SPRY3: variants seen among roughly 807,000 people sequenced by gnomAD.
SPRY3 encodes the protein sprouty RTK signaling antagonist 3, also known as protein sprouty homolog 3.
Under a neutral mutation model 20.2 loss-of-function variants are expected in SPRY3, and 15 were observed. The ratio of observed to expected loss-of-function variants is 0.74; its 90% CI spans 0.50 to 1.14. The LOEUF is 1.14. SPRY3 is among the 50% of genes most tolerant of loss of function. The pLI, the probability that SPRY3 is intolerant of heterozygous loss-of-function variation, is 0.00. For missense variants in SPRY3, 364 were observed against 363.9 expected, an observed-to-expected ratio of 1.00 and a Z score of 0.00; for synonymous variants, 143 against 136.5, an observed-to-expected ratio of 1.05 and a Z score of -0.33.
intron 2 of SPRY3, among the ~76,000 whole-genome samples, chrX:155,761,385 T>C (rs1020374391): frequency 6.6e-6 from 1 of 152,198 alleles, no homozygotes; most frequent in Non-Finnish European, 1.5e-5. Context: ...ACAGAATTTG[T>C]TCTTTTTCAT....
chrX:155,714,568 G>T (rs765973602), intron 2 of SPRY3, among the ~76,000 whole-genome samples: 1 of 152,228 alleles, frequency 6.6e-6, no homozygotes, highest in South Asian at 2.1e-4. Flanking sequence ...GTGTGGTGAT[G>T]CAAGCATCCC....
intron 1 of SPRY3, among the ~76,000 whole-genome samples, chrX:155,618,393 G>A (rs1449064407): frequency 2.7e-5 from 3 of 111,490 alleles, no homozygotes; most frequent in Non-Finnish European, 5.7e-5. Context: ...TTCATGGTAT[G>A]TATGTATCAG....
intron 2 of SPRY3, among the ~76,000 whole-genome samples, chrX:155,741,868 T>C (rs1223544046): frequency 6.6e-6 from 1 of 151,998 alleles, no homozygotes; most frequent in African/African-American, 2.4e-5. Context: ...AAAGGAAAAA[T>C]CTTTGCCAGC....
intron 2 of SPRY3, among the ~76,000 whole-genome samples, chrX:155,706,762 G>A (rs1297370535): frequency 1.3e-5 from 2 of 150,830 alleles, no homozygotes; most frequent in East Asian, 3.9e-4. Context: ...AAATCCCTGG[G>A]AGGCGCGAAC....
intron 1 of SPRY3, among the ~76,000 whole-genome samples, chrX:155,636,078 G>T (rs1358664632): frequency 2.7e-5 from 3 of 112,136 alleles, no homozygotes; most frequent in Non-Finnish European, 5.6e-5. Context: ...TGGCTTACAG[G>T]TTTTACTTAC....
chrX:155,631,405 A>G (rs1170393451), intron 1 of SPRY3, among the ~76,000 whole-genome samples: 1 of 112,313 alleles, frequency 8.9e-6, no homozygotes, highest in Non-Finnish European at 1.9e-5. Flanking sequence ...TGTGATGAAT[A>G]TATGAGTGCA....
chrX:155,760,641 G>A (rs1399682252), intron 2 of SPRY3, among the ~76,000 whole-genome samples: 1 of 152,150 alleles, frequency 6.6e-6, no homozygotes. Flanking sequence ...GGATGGTTTG[G>A]AGATGAAACT....
At chrX:155,656,560 A>G (rs2067992825) in intron 1 of SPRY3, among the ~76,000 whole-genome samples, 1 of 110,718 alleles carries the variant, frequency 9.0e-6, no homozygotes, top group Non-Finnish European at 1.9e-5. Flanking sequence ...AGCTCAGAGG[A>G]GTTTGTTATT....
At chrX:155,672,095 T>G (rs2068042558) in intron 2 of SPRY3, among the ~76,000 whole-genome samples, 1 of 111,842 alleles carries the variant, frequency 8.9e-6, no homozygotes. Context: ...CCTCCAGCTT[T>G]GTTCTGTTGG....
At chrX:155,736,053 A>T (rs2091167090) in intron 2 of SPRY3, among the ~76,000 whole-genome samples, 1 of 151,942 alleles carries the variant, frequency 6.6e-6, no homozygotes, top group South Asian at 2.1e-4. Context: ...CTTTCAAATA[A>T]CACCATACTG....
intron 2 of SPRY3, among the ~76,000 whole-genome samples, chrX:155,664,245 G>A (rs918398437): frequency 6.3e-5 from 7 of 110,604 alleles, no homozygotes; most frequent in African/African-American, 2.3e-4. Flanking sequence ...GTTCCTGAGG[G>A]AAAGATTTGT....
Position 155,626,444 on chromosome X carries a change from A to G in SPRY3, c.-441+13797A>G, listed in dbSNP as rs782549106. ...TGTAAGAGCATTTTACATATTCTAG[A>G]TACAAGATCTTGTCAGATATATGAT... On this transcript the variant is annotated intron_variant, in intron 1 of 3. Transcript: ENST00000675360. Among the ~76,000 whole-genome samples the G allele has an allele frequency of 1.3e-4, 15 of 111,628 alleles. No individual in the cohort carries two copies. In the East Asian group the frequency reaches 4.2e-3, roughly 31 times the overall value.
At chrX:155,752,587 A>T (rs1281156264) in intron 2 of SPRY3, among the ~76,000 whole-genome samples, 1 of 151,784 alleles carries the variant, frequency 6.6e-6, no homozygotes, top group Non-Finnish European at 1.5e-5. Flanking sequence ...AAGAAAAAAT[A>T]GAAAAAATGG....
chrX:155,764,225 A>G (rs974012283), intron 2 of SPRY3, among the ~76,000 whole-genome samples: 7 of 152,228 alleles, frequency 4.6e-5, no homozygotes, highest in Admixed American at 6.5e-5. Context: ...GCTGCCACTT[A>G]CTAGCTGTAT....
At chrX:155,768,321 G>A (rs1007363276) in intron 3 of SPRY3, among the ~76,000 whole-genome samples, 185 bp downstream of exon 2, 43 of 152,040 alleles carry the variant, frequency 2.8e-4, no homozygotes, top group Non-Finnish European at 5.0e-4. Context: ...TAAATAAATC[G>A]GCTCTCGCAG....
At chrX:155,713,305 G>T (rs1247920854) in intron 2 of SPRY3, among the ~76,000 whole-genome samples, 1 of 151,842 alleles carries the variant, frequency 6.6e-6, no homozygotes, top group Non-Finnish European at 1.5e-5. Context: ...AGTGAGTTTT[G>T]TACCTTTAAA....
rs749530944 is a variant in SPRY3, at chrX:155,716,981, AATATATATATAT to A, written c.-281-50961_-281-50950del. On this transcript the variant is annotated intron_variant, in intron 2 of 3. Coordinates refer to ENST00000675360, the Ensembl canonical transcript of SPRY3. ...AAACCCTGTTTCCACTAAAATACAA[AATATATATATAT>A]ATATATATATATATATATAGCTGGG... Among the ~76,000 whole-genome samples, 69 of 63,480 alleles carry A rather than the reference AATATATATATAT, an allele frequency of 1.1e-3. 1 individual carries two copies. The highest frequency in any genetic ancestry group is 1.2e-3 in the Admixed American group (7 of 5,682). 41.6% of individuals were successfully genotyped at this position (63,480 alleles called of 152,430 possible).
chrX:155,634,539 G>GGTTA (rs1217705717), intron 1 of SPRY3, among the ~76,000 whole-genome samples: 1 of 111,805 alleles, frequency 8.9e-6, no homozygotes, highest in African/African-American at 3.3e-5. Context: ...ACTGAACAAT[G>GGTTA]GTTAGGCTGC....
At chrX:155,661,592 A>AT (rs1168647454) in intron 2 of SPRY3, among the ~76,000 whole-genome samples, 10 of 109,460 alleles carry the variant, frequency 9.1e-5, no homozygotes, top group East Asian at 2.9e-4. Context: ...AAGACCAGGC[A>AT]TTTTTTTTTC....
Sources: gnomAD v4.1 joint callset for allele counts (sites outside exome capture counted in the v4.1 genomes callset) on GRCh38, gnomAD v4.1.1 for gene constraint, MANE v1.5 for transcripts, NCBI Gene and HGNC (gene_info 2026-07-23, HGNC 2026-07-21) for gene names.